Variants in FRAS1 observed in about 807,000 individuals in gnomAD.
FRAS1 encodes extracellular matrix organizing protein FRAS1.
A neutral mutation model predicts 435.2 loss-of-function variants in FRAS1; 290 were observed. That is an observed-to-expected ratio of 0.67 (90% CI 0.61 to 0.73). FRAS1 has a LOEUF of 0.73. FRAS1 is among the 30% of genes least tolerant of loss of function. FRAS1 has a pLI of 0.00. For missense variants in FRAS1, 4,860 were observed against 5,001.5 expected, an observed-to-expected ratio of 0.97 and a Z score of 0.85; for synonymous variants, 1,800 against 1,851.0, an observed-to-expected ratio of 0.97 and a Z score of 0.71.
rs188308051 is a variant in FRAS1 at position 78,346,636 on chromosome 4, T to A, written c.2422+8819T>A. On this transcript the variant is annotated intron_variant, in intron 20 of 73. Coordinates refer to ENST00000512123, the MANE Select transcript of FRAS1 (RefSeq NM_025074.7). ...GCCTTCCCACGCACTCCCTACACAC[T>A]CTCTTCACTCTCAGTCTACAACTCT... is the stretch of plus-strand genomic sequence containing the variant. Among the ~76,000 whole-genome samples, 235 of 152,292 alleles carry A rather than the reference T, an allele frequency of 1.5e-3. 1 individual carries two copies. The highest frequency in any genetic ancestry group is 5.2e-3 in the African/African-American group (218 of 41,572).
chr4:78,517,274 C>T (rs1249947534), intron 66 of FRAS1, among the ~76,000 whole-genome samples: 1 of 152,146 alleles, frequency 6.6e-6, no homozygotes, highest in Admixed American at 6.5e-5. Context: ...AATTTTAAGG[C>T]GTTCATCGGT....
chr4:78,084,942 C>T (rs895341445), intron 2 of FRAS1, among the ~76,000 whole-genome samples: 3 of 151,978 alleles, frequency 2.0e-5, no homozygotes, highest in Non-Finnish European at 4.4e-5. Flanking sequence ...TTTATAGTGC[C>T]TTTTCTCTTA....
rs114895269 is a variant in FRAS1 at position 78,510,006 on chromosome 4, T to C, written c.9780+1000T>C. ...GACATAGATGGGAGGCTTTGGATAA[T>C]GCAGGGTCGTTCATACCCACTCTCT... On this transcript the variant is annotated intron_variant, in intron 63 of 73. Transcript: ENST00000512123. 8.2e-3 allele frequency among the ~76,000 whole-genome samples: 1,255 copies of C among 152,334 alleles called. 20 individuals carry two copies. Among genetic ancestry groups the C allele is most frequent in the African/African-American group, 0.029 (1,199 of 41,576 alleles).
At chr4:78,124,571 T>C (rs766944402) in intron 2 of FRAS1, among the ~76,000 whole-genome samples, 1 of 152,220 alleles carries the variant, frequency 6.6e-6, no homozygotes, top group Non-Finnish European at 1.5e-5. Flanking sequence ...TTTGTACCTT[T>C]GGTAGAATTA....
chr4:78,189,324 A>C (rs1722424218), intron 2 of FRAS1, among the ~76,000 whole-genome samples: 1 of 152,170 alleles, frequency 6.6e-6, no homozygotes. Context: ...AGTGCATCCC[A>C]CTTGGTTTCC....
intron 71 of FRAS1, among the ~76,000 whole-genome samples, chr4:78,536,299 A>C (rs1324589250): frequency 6.6e-6 from 1 of 151,396 alleles, no homozygotes. Flanking sequence ...TACTGCTCAA[A>C]TATCATGTCT....
chr4:78,065,081 T>TATACATACAC (rs1739951732), intron 1 of FRAS1, among the ~76,000 whole-genome samples: 1 of 125,692 alleles, frequency 8.0e-6, no homozygotes, highest in Non-Finnish European at 1.7e-5. Flanking sequence ...TATATATATA[T>TATACATACAC]ATACATACAC....
At position 78,168,936 on chromosome 4, in the gene FRAS1, A is replaced by G. The variant is rs554889799; in HGVS notation, c.109-68574A>G. Among the ~76,000 whole-genome samples, 12 of 152,264 alleles carry G rather than the reference A, an allele frequency of 7.9e-5. No individual in the cohort carries two copies. The South Asian group carries it at 1.2e-3, about 16-fold the overall frequency. On this transcript the variant is annotated intron_variant, in intron 2 of 73. Transcript: ENST00000512123. ...GTGCTTTGTGTGCAAGATGTCTGAC[A>G]AGACAGAAGAAAAGAAGGAACTGGG...
intron 9 of FRAS1, among the ~76,000 whole-genome samples, chr4:78,275,212 G>A (rs1387439745): frequency 6.6e-6 from 1 of 152,118 alleles, no homozygotes; most frequent in African/African-American, 2.4e-5. Flanking sequence ...GTGTGTCTCT[G>A]CACATGAGAT....
chr4:78,460,595 G>A (rs1199709369), intron 47 of FRAS1, among the ~76,000 whole-genome samples: 5 of 152,162 alleles, frequency 3.3e-5, no homozygotes, highest in South Asian at 2.1e-4. Context: ...ATTGTCAGGC[G>A]GTTTCATTAT....
intron 7 of FRAS1, among the ~76,000 whole-genome samples, chr4:78,266,070 C>A (rs759927292): frequency 6.6e-6 from 1 of 152,174 alleles, no homozygotes; most frequent in Non-Finnish European, 1.5e-5. Context: ...GCATCTTCAA[C>A]TACAAGGAAC....
chr4:78,216,695 C>T (rs1723782499), intron 2 of FRAS1, among the ~76,000 whole-genome samples: 1 of 152,070 alleles, frequency 6.6e-6, no homozygotes, highest in Non-Finnish European at 1.5e-5. Flanking sequence ...AGAATGGTTT[C>T]CAGTTGTTTT....
chr4:78,378,745 A>G (rs1336164003), intron 26 of FRAS1, among the ~76,000 whole-genome samples: 1 of 152,042 alleles, frequency 6.6e-6, no homozygotes, highest in East Asian at 1.9e-4. Flanking sequence ...GTTGAGTTAT[A>G]GGAGTTCTTT....
chr4:78,421,006 C>T (rs925740247), intron 33 of FRAS1, among the ~76,000 whole-genome samples: 1 of 150,198 alleles, frequency 6.7e-6, no homozygotes, highest in Non-Finnish European at 1.5e-5. Flanking sequence ...GGAGCAAGGA[C>T]AGGCAGTTTG....
chr4:78,062,599 C>A (rs2109843265), intron 1 of FRAS1, among the ~76,000 whole-genome samples: 1 of 152,228 alleles, frequency 6.6e-6, no homozygotes, highest in South Asian at 2.1e-4. Context: ...CCAACGGTTT[C>A]AGAATATATG....
At chr4:78,445,447 C>T (rs1718773414) in intron 41 of FRAS1, 75 bp from the exon 42 acceptor site, 1 of 1,437,186 alleles carries the variant, frequency 7.0e-7, no homozygotes, top group African/African-American at 1.4e-5. Context: ...GAAAATGATA[C>T]CTTGTTTTCT....
At chr4:78,310,964 T>C (rs1560646106) in intron 15 of FRAS1, among the ~76,000 whole-genome samples, 1 of 152,198 alleles carries the variant, frequency 6.6e-6, no homozygotes, top group Non-Finnish European at 1.5e-5. Flanking sequence ...CTGAAAGATC[T>C]TACAGTAACC....
In FRAS1 at chr4:78,441,162, G is replaced by A. The variant is rs1246377032; in HGVS notation, c.5530G>A (p.Val1844Ile). The A allele has an allele frequency of 1.2e-6, 2 of 1,613,676 alleles. No individual in the cohort carries two copies. Among genetic ancestry groups the A allele is most frequent in the Non-Finnish European group, 1.7e-6 (2 of 1,179,758 alleles). The change falls in exon 41 of 74, where the codon GTT becomes ATT. Residue 1844 changes from valine to isoleucine, a missense_variant and splice_region_variant. Transcript: ENST00000512123. ...CTCTCTATGTTCTTTTCTTTCTTAG[G>A]TTGATGAGGGAGGGAGAGCACCACT... ...PVIAFADLIT[V>I]DEGGRAPLSF... is the part of the protein sequence containing the mutation.
At chr4:78,142,940 A>G (rs368256953) in intron 2 of FRAS1, among the ~76,000 whole-genome samples, 1 of 152,174 alleles carries the variant, frequency 6.6e-6, no homozygotes, top group African/African-American at 2.4e-5. Context: ...ATCCAAAATA[A>G]GACAAGAAGG....
Sources: allele counts gnomAD v4.1 joint callset (sites outside exome capture counted in the v4.1 genomes callset), GRCh38; gene constraint gnomAD v4.1.1; transcripts MANE v1.5; gene names NCBI Gene and HGNC (gene_info 2026-07-23, HGNC 2026-07-21).